Variants in PER2 observed in about 807,000 individuals in gnomAD.
The protein encoded by PER2 is period circadian regulator 2.
PER2 carries 66 observed loss-of-function variants against 121.0 expected under a neutral mutation model. That is an observed-to-expected ratio of 0.55 (90% confidence interval 0.45 to 0.67). The LOEUF (loss-of-function observed/expected upper bound fraction) is 0.67. PER2 is among the 30% of genes least tolerant of loss of function. PER2 has a pLI of 0.00. For synonymous variants in PER2, 684 were observed against 659.9 expected, an observed-to-expected ratio of 1.04 and a Z score of -0.56; for missense variants, 1,521 against 1,635.0, an observed-to-expected ratio of 0.93 and a Z score of 1.20.
upstream of PER2, chr2:238,289,144 A>T (rs1574866268): frequency 6.6e-6 from 1 of 151,852 alleles, no homozygotes; most frequent in African/African-American, 2.4e-5. Flanking sequence ...GCTCCTGCGC[A>T]CCTCCGGCCG....
At chr2:238,271,761 C>A (rs1291762723) in intron 5 of PER2, among the ~76,000 whole-genome samples, 1 of 152,202 alleles carries the variant, frequency 6.6e-6, no homozygotes, top group Non-Finnish European at 1.5e-5. Context: ...ATCCAAAGGG[C>A]ATCAGCCTAA....
chr2:238,277,709 C>G lies in PER2; in HGVS notation c.228G>C (p.Gln76His). ...GMLVEPPDARQSPDTFSLMMA... is the reference protein window; with the variant it reads ...GMLVEPPDARHSPDTFSLMMA... ...ATCTGGCCAGAGGCTGAACTCACCTCTGGCGGGCATCCGGTGGCTCCACCA... is the reference window on the plus strand; with the variant it reads ...ATCTGGCCAGAGGCTGAACTCACCTGTGGCGGGCATCCGGTGGCTCCACCA... The change falls in exon 2 of 23, where the codon CAG (glutamine) becomes CAC (histidine). Residue 76 changes from glutamine to histidine, a missense_variant and splice_region_variant. Gln to His is a conservative substitution (Grantham distance 24). Transcript: ENST00000254657. 6.2e-7 allele frequency: 1 copy of G among 1,614,168 alleles called. No homozygotes were observed. Among genetic ancestry groups the G allele is most frequent in the Non-Finnish European group, 8.5e-7 (1 of 1,180,034 alleles).
At chr2:238,261,063 G>T in intron 12 of PER2, 110 bp from the exon 13 acceptor site, 1 of 1,325,968 alleles carries the variant, frequency 7.5e-7, no homozygotes, top group Non-Finnish European at 1.0e-6. Context: ...CCCGCCTAAG[G>T]CTACATGGCA....
upstream of PER2, among the ~76,000 whole-genome samples, chr2:238,293,484 C>T (rs567680227): frequency 1.3e-5 from 2 of 152,108 alleles, no homozygotes; most frequent in Admixed American, 6.5e-5. Context: ...TAAGAAAAAC[C>T]AAGGACTTGG....
rs774237267 is a variant in PER2, at chr2:238,253,615, T to C, written c.2408A>G (p.Lys803Arg). 13 of 1,609,862 alleles carry C rather than the reference T, an allele frequency of 8.1e-6. No homozygotes were observed. In the South Asian group the frequency reaches 1.2e-4, roughly 15 times the overall value. The stretch of plus-strand genomic sequence containing the variant: ...GGTGCTCTCAGATGAGTCTCGAGGT[T>C]TGACCCGCTTGGACTTCAATTTTCT... ...KNRKLKSKRV[K>R]PRDSSESTGS... The change falls in exon 19 of 23, where the codon AAA becomes AGA. Residue 803 changes from lysine (K) to arginine (R), a missense_variant. Transcript: ENST00000254657. The surrounding 1 kb of genome is among the most constrained non-coding windows in gnomAD (Gnocchi z 5.6).
At chr2:238,281,728 C>T (rs1321571554) in intron 1 of PER2, among the ~76,000 whole-genome samples, 2 of 152,218 alleles carry the variant, frequency 1.3e-5, no homozygotes, top group Admixed American at 6.5e-5. Flanking sequence ...ACTGATCACA[C>T]TCAGCGTTGC....
In PER2 at chr2:238,246,387, T is replaced by C; in HGVS notation, c.3756A>G (p.Glu1252=). The change falls in exon 23 of 23, where the codon GAA becomes GAG. Residue 1252 remains glutamate (E), a synonymous_variant. Coordinates refer to ENST00000254657, the MANE Select transcript of PER2 (RefSeq NM_022817.3). ...GGTGGGGCAGGGGTTACGTCTGCTC[T>C]TCGATCCTGTGATTCAAGGGGGATC... is the stretch of plus-strand genomic sequence containing the variant. ...ENGSPLNHRI[E]EQT The C allele has an allele frequency of 6.2e-7, 1 of 1,609,870 alleles. No individual in the cohort carries two copies. Among genetic ancestry groups the C allele is most frequent in the Non-Finnish European group, 8.5e-7 (1 of 1,177,566 alleles).
chr2:238,291,000 G>T (rs1417165044), upstream of PER2, among the ~76,000 whole-genome samples: 1 of 152,246 alleles, frequency 6.6e-6, no homozygotes, highest in Non-Finnish European at 1.5e-5. Flanking sequence ...GGGGCAGTCA[G>T]ATTGGAGAAG....
At position 238,253,990 on chromosome 2, in the gene PER2, G is replaced by A. The variant is rs561214873; in HGVS notation, c.2321-288C>T. On this transcript the variant is annotated intron_variant, in intron 18 of 22. Transcript: ENST00000254657. This position sits in a 1 kb window ranked among gnomAD's most constrained non-coding sequence, Gnocchi z 5.6. ...CTTTTATGAAATGCTAATATGATAA[G>A]TGGTAATACAAAGTTCTATTTGTTA... Among the ~76,000 whole-genome samples the A allele has an allele frequency of 3.3e-5, 5 of 152,334 alleles. No homozygotes were observed. The highest frequency in any genetic ancestry group is 1.2e-4 in the African/African-American group (5 of 41,574).
intron 20 of PER2, 94 bp from the exon 21 acceptor site, chr2:238,250,837 A>G: frequency 1.2e-6 from 1 of 856,224 alleles, no homozygotes; most frequent in Non-Finnish European, 1.9e-6. Flanking sequence ...GATTTGAGAG[A>G]GCCCAGTGCC....
Position 238,250,682 on chromosome 2 carries a change from A to C in PER2, c.3336T>G (p.Asn1112Lys). 1 of 1,613,828 alleles carries C rather than the reference A, an allele frequency of 6.2e-7. No homozygotes were observed. Reference sequence around the variant, plus strand: ...TACCAGTGTTCATTTTTGCTTTGTGATTATTCTCTGAGGAGTCAATGCTTC... The same window carrying C: ...TACCAGTGTTCATTTTTGCTTTGTGCTTATTCTCTGAGGAGTCAATGCTTC... The part of the protein sequence containing the change: ...YFGSIDSSEN[N>K]HKAKMNTGME... The change falls in exon 21 of 23, where the codon AAT (asparagine) becomes AAG (lysine). Residue 1112 changes from asparagine (N) to lysine (K), a missense_variant. Asn to Lys is a moderately conservative substitution (Grantham distance 94). Coordinates refer to ENST00000254657, the MANE Select transcript of PER2 (RefSeq NM_022817.3).
intron 18 of PER2, chr2:238,255,375 C>G: frequency 1.9e-6 from 1 of 525,582 alleles, no homozygotes; most frequent in Non-Finnish European, 3.4e-6. Flanking sequence ...GTTACTCAGG[C>G]AAGAAATGTG....
chr2:238,288,081 C>T (rs1696842018), intron 1 of PER2, among the ~76,000 whole-genome samples: 1 of 152,182 alleles, frequency 6.6e-6, no homozygotes, highest in Non-Finnish European at 1.5e-5. Context: ...ATCACCCATT[C>T]CAGGAGACCC....
the PER2 span, among the ~76,000 whole-genome samples, chr2:238,296,056 T>TGTGACCACGGA: frequency 2.2e-5 from 3 of 137,228 alleles, no homozygotes; most frequent in Non-Finnish European, 4.7e-5. Flanking sequence ...TCGTGTGCCC[T>TGTGACCACGGA]CCTGCTGCAG....
In PER2 at chr2:238,249,241, C is replaced by T. The variant is rs199634634; in HGVS notation, c.3468-29G>A. On this transcript the variant is annotated intron_variant, in intron 21 of 22. Transcript: ENST00000254657. ...CGCAAGATATTTAGAAATCGGTAAGCTTTCAAATGTCTTAAGGGTATCTAT... is the reference window on the plus strand; with the variant it reads ...CGCAAGATATTTAGAAATCGGTAAGTTTTCAAATGTCTTAAGGGTATCTAT... 105 of 1,602,256 alleles carry T rather than the reference C, an allele frequency of 6.6e-5. No homozygotes were observed. In the African/African-American group the frequency reaches 1.2e-3, roughly 19 times the overall value.
chr2:238,250,880 G>C (rs1695579791), intron 20 of PER2, 137 bp from the exon 21 acceptor site: 2 of 676,958 alleles, frequency 3.0e-6, no homozygotes, highest in Admixed American at 4.3e-5. Flanking sequence ...GCCGGTGCAT[G>C]TTCCCCTTCT....
the PER2 span, chr2:238,295,278 C>CCTT: frequency 1.3e-5 from 2 of 149,126 alleles, no homozygotes; most frequent in African/African-American, 4.9e-5. Context: ...TTCTTCTTCT[C>CCTT]CTTCTTCTTC....
In PER2 at chr2:238,260,860, T is replaced by A; in HGVS notation, c.1510A>T (p.Asn504Tyr). ...LMSQTSSSDSNGHEDSRRRRA... is the reference protein window; with the variant it reads ...LMSQTSSSDSYGHEDSRRRRA... ...CTCCGGCGTGAGTCCTCATGGCCGTTGCTGTCGCTGGAGGAGGTCTGGCTC... is the reference window on the plus strand; with the variant it reads ...CTCCGGCGTGAGTCCTCATGGCCGTAGCTGTCGCTGGAGGAGGTCTGGCTC... Residue 504 changes from asparagine (N) to tyrosine (Y), a missense_variant, in exon 13 of 23, where the codon AAC becomes TAC. Physicochemically the swap from Asn to Tyr is moderately radical, Grantham distance 143. Coordinates refer to ENST00000254657, the MANE Select transcript of PER2 (RefSeq NM_022817.3). 6.2e-7 allele frequency: 1 copy of A among 1,614,072 alleles called. No homozygotes were observed. Among genetic ancestry groups the A allele is most frequent in the Non-Finnish European group, 8.5e-7 (1 of 1,180,024 alleles).
At chr2:238,274,318 C>A (rs540199955) in intron 4 of PER2, among the ~76,000 whole-genome samples, 1 of 152,312 alleles carries the variant, frequency 6.6e-6, no homozygotes, top group South Asian at 2.1e-4. Flanking sequence ...GCTCAACAGG[C>A]CCCGGACACA....
Sources: allele counts gnomAD v4.1 joint callset (sites outside exome capture counted in the v4.1 genomes callset), GRCh38; gene constraint gnomAD v4.1.1; non-coding constraint Gnocchi (gnomAD v3.1); transcripts MANE v1.5; gene names NCBI Gene and HGNC (gene_info 2026-07-23, HGNC 2026-07-21).